PPP6R1: variants seen among roughly 807,000 people sequenced by gnomAD.
PPP6R1 encodes the protein protein phosphatase 6 regulatory subunit 1.
Under a neutral mutation model 104.6 loss-of-function variants are expected in PPP6R1, and 39 were observed. The observed-to-expected ratio is 0.37, with a 90% CI of 0.29 to 0.49. PPP6R1 has a LOEUF of 0.49. Among genes scored for constraint, PPP6R1 ranks in the 20% least tolerant of loss-of-function variants. PPP6R1 has a pLI of 0.98. For synonymous variants in PPP6R1, 549 were observed against 479.0 expected (o/e 1.15, Z -1.91); for missense variants, 1,181 against 1,155.8 (o/e 1.02, Z -0.32).
At position 55,245,108 on chromosome 19, in the gene PPP6R1, G is replaced by C; in HGVS notation, c.618+12C>G. ...TCTAAGGGGAATCCGCAGGGGCATC[G>C]GCAGCACTCACATTCTCATCCTTCG... On this transcript the variant is annotated intron_variant, in intron 5 of 23. Coordinates refer to ENST00000412770, the MANE Select transcript of PPP6R1 (RefSeq NM_014931.4). This position sits in a 1 kb window ranked among gnomAD's most constrained non-coding sequence, Gnocchi z 6.4. The C allele has an allele frequency of 6.2e-7, 1 of 1,612,826 alleles. No homozygotes were observed. The highest frequency in any genetic ancestry group is 8.5e-7 in the Non-Finnish European group (1 of 1,179,542).
At chr19:55,234,874 G>C (rs34060168) in intron 17 of PPP6R1, among the ~76,000 whole-genome samples, 6,845 of 152,236 alleles carry the variant, frequency 0.045, 202 homozygotes, top group African/African-American at 0.085. Flanking sequence ...AGTGAAAACA[G>C]AGACAAAACT....
intron 1 of PPP6R1, 128 bp from the exon 2 acceptor site, chr19:55,247,237 T>A: frequency 1.0e-6 from 1 of 1,001,496 alleles, no homozygotes; most frequent in Non-Finnish European, 1.5e-6. Flanking sequence ...GCCCTCTGCC[T>A]CATGCTGAGC....
chr19:55,244,163 C>T (rs2087485079), intron 5 of PPP6R1, among the ~76,000 whole-genome samples: 2 of 152,186 alleles, frequency 1.3e-5, no homozygotes, highest in African/African-American at 4.8e-5. Flanking sequence ...GGCCATGCCT[C>T]AGGGTCCTCA....
intron 1 of PPP6R1, among the ~76,000 whole-genome samples, chr19:55,254,055 G>T (rs945919933): frequency 6.6e-6 from 1 of 152,182 alleles, no homozygotes; most frequent in Non-Finnish European, 1.5e-5. Context: ...GACAGGTAGG[G>T]GACCGGTCAC....
At chr19:55,240,729 C>T (rs1049569228) in intron 10 of PPP6R1, among the ~76,000 whole-genome samples, 4 of 152,212 alleles carry the variant, frequency 2.6e-5, no homozygotes, top group Non-Finnish European at 5.9e-5. Flanking sequence ...CCACCCCTAG[C>T]TCTTCAGCTC....
intron 1 of PPP6R1, among the ~76,000 whole-genome samples, chr19:55,249,892 C>T (rs988328795): frequency 3.3e-5 from 5 of 152,148 alleles, no homozygotes; most frequent in Admixed American, 6.5e-5. Flanking sequence ...CGCACCTGCT[C>T]GGTGATGTGC....
intron 1 of PPP6R1, among the ~76,000 whole-genome samples, chr19:55,254,686 A>G (rs954919929): frequency 6.6e-6 from 1 of 152,230 alleles, no homozygotes; most frequent in Non-Finnish European, 1.5e-5. Context: ...GCTCAGCAGA[A>G]GCTCCAACGC....
intron 5 of PPP6R1, among the ~76,000 whole-genome samples, chr19:55,244,047 A>G (rs745565669): frequency 6.6e-6 from 1 of 152,212 alleles, no homozygotes; most frequent in African/African-American, 2.4e-5. Flanking sequence ...TATGCTGTGC[A>G]ATTTACATCT....
rs149426598 is a variant in PPP6R1, at chr19:55,231,338, A to G, written c.2459+72T>C. 1.3e-3 allele frequency: 1,910 copies of G among 1,480,924 alleles called. 36 individuals are homozygous for G. In the East Asian group the frequency reaches 0.042, roughly 33 times the overall value. The allele number at this position is 1,480,924 out of a possible 1,614,324, so 91.7% of individuals were successfully genotyped here. On this transcript the variant is annotated intron_variant, in intron 21 of 23. Transcript: ENST00000412770. ...CTGGAGCAGCTCAGGGACAAGATGA[A>G]CCCAGAGCCCACCTCAGCGAAGAGG...
chr19:55,232,809 AACCGGGG>A (rs1462564340), intron 17 of PPP6R1: 1 of 152,472 alleles, frequency 6.6e-6, no homozygotes, highest in Admixed American at 6.5e-5. Context: ...CGTGCTGATC[AACCGGGG>A]AAGGGGTAAG....
rs772280365 is a variant in PPP6R1 at position 55,231,496 on chromosome 19, G to C, written c.2378-5C>G. On this transcript the variant is annotated splice_polypyrimidine_tract_variant and splice_region_variant and intron_variant, in intron 20 of 23. Coordinates refer to ENST00000412770, the MANE Select transcript of PPP6R1 (RefSeq NM_014931.4). Reference sequence around the variant, plus strand: ...TAACCAAGGCCTGGCAAGGGGCTGTGGGGGATAAGAGATCTCAGCTGCAGC... The same window carrying C: ...TAACCAAGGCCTGGCAAGGGGCTGTCGGGGATAAGAGATCTCAGCTGCAGC... 8.1e-6 allele frequency: 13 copies of C among 1,605,790 alleles called. No individual in the cohort carries two copies. In the South Asian group the frequency reaches 1.5e-4, roughly 18 times the overall value.
rs1223512687 is a variant in PPP6R1 at position 55,258,631 on chromosome 19, CCTGCAGAGTTGAGGGGGT to C, written c.-221_-204del. The C allele has an allele frequency of 1.3e-5, 2 of 149,766 alleles. No individual in the cohort carries two copies. Among genetic ancestry groups the C allele is most frequent in the African/African-American group, 5.0e-5 (2 of 39,924 alleles). The allele number at this position is 149,766 out of a possible 1,614,324, so 9.3% of individuals were successfully genotyped here. A position where few individuals can be genotyped will look rare whatever the true frequency, so the allele number is the denominator to read the frequency against. ...GTCGTGGGGTCCTCGCGCGCCGGGT[CCTGCAGAGTTGAGGGGGT>C]CAGCGCCGGGTGGAGTTGCCGACGG... On this transcript the variant is annotated 5_prime_UTR_variant, in exon 1 of 24. Coordinates refer to ENST00000412770, the MANE Select transcript of PPP6R1 (RefSeq NM_014931.4).
Position 55,239,648 on chromosome 19 carries a change from A to C in PPP6R1, c.1599T>G (p.Asp533Glu). The C allele has an allele frequency of 1.2e-6, 2 of 1,612,346 alleles. No individual in the cohort carries two copies. The highest frequency in any genetic ancestry group is 1.7e-6 in the Non-Finnish European group (2 of 1,179,212). ...NTHHLHSSSD[D>E]EDDRLKEFNF... Reference sequence around the variant, plus strand: ...TGAACTCCTTGAGCCGGTCGTCCTCATCGTCACTGGAGGAGTGTAGGTGGT... The same window carrying C: ...TGAACTCCTTGAGCCGGTCGTCCTCCTCGTCACTGGAGGAGTGTAGGTGGT... The change falls in exon 14 of 24, where the codon GAT (aspartate) becomes GAG (glutamate). Residue 533 changes from aspartate to glutamate, a missense_variant. Asp to Glu is a conservative substitution (Grantham distance 45). Coordinates refer to ENST00000412770, the MANE Select transcript of PPP6R1 (RefSeq NM_014931.4).
chr19:55,257,700 TAA>T (rs1367766912), intron 1 of PPP6R1, among the ~76,000 whole-genome samples: 5 of 152,146 alleles, frequency 3.3e-5, no homozygotes, highest in Non-Finnish European at 1.5e-5. Flanking sequence ...TGCAGCTCCC[TAA>T]GTCACCTCGA....
Position 55,241,704 on chromosome 19 carries a change from GCACAAGGA to G in PPP6R1, c.846-73_846-66del, listed in dbSNP as rs2087459623. On this transcript the variant is annotated intron_variant, in intron 7 of 23. Transcript: ENST00000412770. This position sits in a 1 kb window ranked among gnomAD's most constrained non-coding sequence, Gnocchi z 5.4. Reference sequence around the variant, plus strand: ...GGCCTGTGCGCCCACACAGGAGTAGGCACAAGGACCACGTCTGCAGGGTCTGGAGGAAA... The same window carrying G: ...GGCCTGTGCGCCCACACAGGAGTAGGCCACGTCTGCAGGGTCTGGAGGAAA... 1 of 1,469,908 alleles carries G rather than the reference GCACAAGGA, an allele frequency of 6.8e-7. No individual in the cohort carries two copies. The highest frequency in any genetic ancestry group is 2.5e-5 in the East Asian group (1 of 40,270). 91.1% of individuals were successfully genotyped at this position (1,469,908 alleles called of 1,614,324 possible). A position where few individuals can be genotyped will look rare whatever the true frequency, so the allele number is the denominator to read the frequency against.
intron 5 of PPP6R1, among the ~76,000 whole-genome samples, chr19:55,243,030 C>T (rs549228994): frequency 6.6e-6 from 1 of 152,196 alleles, no homozygotes; most frequent in Admixed American, 6.5e-5. Context: ...GGAGGAGCTG[C>T]TAATGAACAC....
chr19:55,230,921 C>T, intron 21 of PPP6R1, 37 bp from the exon 22 acceptor site: 2 of 1,514,394 alleles, frequency 1.3e-6, no homozygotes, highest in Non-Finnish European at 9.1e-7. Context: ...TCAGCGTGGC[C>T]CCCACCGTCA....
At chr19:55,233,446 G>T (rs923641033) in intron 17 of PPP6R1, among the ~76,000 whole-genome samples, 1 of 152,164 alleles carries the variant, frequency 6.6e-6, no homozygotes, top group Non-Finnish European at 1.5e-5. Flanking sequence ...CCGGAGGCTA[G>T]CCAGGGCAAC....
At chr19:55,235,788 G>T (rs989660656) in intron 17 of PPP6R1, among the ~76,000 whole-genome samples, 2 of 151,372 alleles carry the variant, frequency 1.3e-5, no homozygotes, top group African/African-American at 4.9e-5. Flanking sequence ...AAAGTGCTGG[G>T]ATTACAGGCG....
Sources: allele counts gnomAD v4.1 joint callset (sites outside exome capture counted in the v4.1 genomes callset), GRCh38; gene constraint gnomAD v4.1.1; non-coding constraint Gnocchi (gnomAD v3.1); transcripts MANE v1.5; gene names NCBI Gene and HGNC (gene_info 2026-07-23, HGNC 2026-07-21).